MALRD1: variants seen among roughly 807,000 people sequenced by gnomAD.
MALRD1 encodes the protein MAM and LDL-receptor class A domain-containing protein 1.
MALRD1 carries 247 observed loss-of-function variants against 242.1 expected under a neutral mutation model. That is an observed-to-expected ratio of 1.02 (90% CI 0.92 to 1.13). The LOEUF (loss-of-function observed/expected upper bound fraction) is 1.13, where lower values mean the gene tolerates loss of function less well. Ranked by LOEUF, MALRD1 falls within the 50% of genes most tolerant of loss-of-function variation. MALRD1 has a pLI of 0.00. For synonymous variants in MALRD1, 995 were observed against 866.6 expected (o/e 1.15, Z -2.60); for missense variants, 2,989 against 2,533.1 (o/e 1.18, Z -3.86).
intron 18 of MALRD1, among the ~76,000 whole-genome samples, chr10:19,225,973 C>T (rs1837782799): frequency 6.6e-6 from 1 of 152,124 alleles, no homozygotes; most frequent in East Asian, 1.9e-4. Context: ...GGTGTTATCC[C>T]TGGTCAGATT....
At chr10:19,304,805 C>T (rs1421300294) in intron 21 of MALRD1, among the ~76,000 whole-genome samples, 1 of 151,742 alleles carries the variant, frequency 6.6e-6, no homozygotes, top group Non-Finnish European at 1.5e-5. Flanking sequence ...TCATATTTAG[C>T]TTGTTCATCA....
At chr10:19,553,965 C>T (rs987893947) in intron 32 of MALRD1, among the ~76,000 whole-genome samples, 1 of 152,132 alleles carries the variant, frequency 6.6e-6, no homozygotes, top group African/African-American at 2.4e-5. Flanking sequence ...TGTTGAGCTC[C>T]TATTATGTGC....
At chr10:19,302,613 G>A (rs1842002339) in intron 21 of MALRD1, among the ~76,000 whole-genome samples, 1 of 151,720 alleles carries the variant, frequency 6.6e-6, no homozygotes, top group South Asian at 2.1e-4. Flanking sequence ...TCTTCCAAAG[G>A]ATAGAGAAAG....
intron 11 of MALRD1, among the ~76,000 whole-genome samples, chr10:19,147,174 A>G (rs1372492174): frequency 2.0e-5 from 3 of 152,194 alleles, no homozygotes; most frequent in African/African-American, 7.2e-5. Flanking sequence ...ACAATAGCAC[A>G]ATTGTACTTG....
At chr10:19,139,195 A>C (rs7916042) in intron 10 of MALRD1, among the ~76,000 whole-genome samples, 64 of 152,330 alleles carry the variant, frequency 4.2e-4, no homozygotes, top group African/African-American at 1.5e-3. Context: ...GATTATTAGA[A>C]TTGATATAAA....
intron 1 of MALRD1, chr10:19,051,987 G>T: frequency 3.5e-6 from 1 of 282,410 alleles, no homozygotes; most frequent in South Asian, 3.9e-5. Context: ...AATAGAATGT[G>T]GACCTAAATA....
intron 31 of MALRD1, among the ~76,000 whole-genome samples, chr10:19,518,522 A>G (rs1444253400): frequency 1.3e-5 from 2 of 152,116 alleles, no homozygotes; most frequent in Admixed American, 1.3e-4. Context: ...GACCTGTGAG[A>G]TAGTATTTAT....
chr10:19,256,328 C>T lies in MALRD1; in HGVS notation c.2992-1356C>T, dbSNP rs574670379. 3.3e-5 allele frequency among the ~76,000 whole-genome samples: 5 copies of T among 152,110 alleles called. No homozygotes were observed. In the South Asian group the frequency reaches 6.2e-4, roughly 19 times the overall value. On this transcript the variant is annotated intron_variant, in intron 18 of 39. Coordinates refer to ENST00000454679, the MANE Select transcript of MALRD1 (RefSeq NM_001142308.3). ...CTATTTTTAAAAATAAAACAGAATA[C>T]GTTTTTCTGTAGTATGTTCTTTCAA... is the stretch of plus-strand genomic sequence containing the variant.
intron 33 of MALRD1, among the ~76,000 whole-genome samples, chr10:19,567,980 T>G (rs1191724903): frequency 6.6e-6 from 1 of 152,144 alleles, no homozygotes; most frequent in Non-Finnish European, 1.5e-5. Context: ...TTTTCTGCTT[T>G]CCTTATTCCC....
At chr10:19,406,513 G>A (rs1176315343) in intron 28 of MALRD1, among the ~76,000 whole-genome samples, 1 of 152,150 alleles carries the variant, frequency 6.6e-6, no homozygotes, top group Non-Finnish European at 1.5e-5. Context: ...CAGGTGTTAA[G>A]CTTAGAGCAC....
intron 19 of MALRD1, among the ~76,000 whole-genome samples, chr10:19,269,931 T>A (rs1462497539): frequency 6.6e-6 from 1 of 152,248 alleles, no homozygotes; most frequent in Non-Finnish European, 1.5e-5. Flanking sequence ...CTCATCGGTC[T>A]CTCTTTCAAG....
intron 36 of MALRD1, among the ~76,000 whole-genome samples, chr10:19,627,847 G>T (rs1229708537): frequency 1.3e-5 from 2 of 150,158 alleles, no homozygotes; most frequent in Non-Finnish European, 3.0e-5. Flanking sequence ...ACAACAGCTA[G>T]GGATTAGTCA....
At chr10:19,456,518 T>C (rs1377870210) in intron 29 of MALRD1, among the ~76,000 whole-genome samples, 1 of 151,790 alleles carries the variant, frequency 6.6e-6, no homozygotes, top group Non-Finnish European at 1.5e-5. Context: ...TTATATAAAG[T>C]TCACACACAA....
intron 38 of MALRD1, among the ~76,000 whole-genome samples, chr10:19,719,215 C>CACATATATATAT (rs1834597824): frequency 1.2e-5 from 1 of 84,292 alleles, no homozygotes; most frequent in African/African-American, 5.1e-5. Flanking sequence ...TATATATACA[C>CACATATATATAT]ATACATACAT....
chr10:19,497,051 G>A (rs888437959), intron 30 of MALRD1, among the ~76,000 whole-genome samples: 2 of 152,090 alleles, frequency 1.3e-5, no homozygotes, highest in African/African-American at 2.4e-5. Context: ...TAAGCAAAGC[G>A]GGACAGGAGG....
At chr10:19,483,084 A>C (rs1837082300) in intron 29 of MALRD1, among the ~76,000 whole-genome samples, 1 of 152,052 alleles carries the variant, frequency 6.6e-6, no homozygotes, top group Non-Finnish European at 1.5e-5. Flanking sequence ...TGGTACTGGT[A>C]CAAAAAATAG....
At chr10:19,210,353 A>G (rs957783079) in intron 18 of MALRD1, among the ~76,000 whole-genome samples, 1 of 152,190 alleles carries the variant, frequency 6.6e-6, no homozygotes, top group Non-Finnish European at 1.5e-5. Context: ...CAAAGAAAAA[A>G]GCTTGGAGTG....
At chr10:19,652,356 C>G (rs1388393234) in intron 36 of MALRD1, among the ~76,000 whole-genome samples, 3 of 152,122 alleles carry the variant, frequency 2.0e-5, no homozygotes, top group African/African-American at 4.8e-5. Flanking sequence ...TGTGCCAAAG[C>G]ATAATTTTCA....
intron 26 of MALRD1, among the ~76,000 whole-genome samples, chr10:19,382,096 G>T (rs1029719601): frequency 2.6e-5 from 4 of 152,152 alleles, no homozygotes; most frequent in African/African-American, 9.6e-5. Context: ...TCAAGAATGT[G>T]TCTGTTCTCT....
Sources: allele counts gnomAD v4.1 joint callset (sites outside exome capture counted in the v4.1 genomes callset), GRCh38; gene constraint gnomAD v4.1.1; transcripts MANE v1.5; gene names NCBI Gene and HGNC (gene_info 2026-07-23, HGNC 2026-07-21).